NFIB: variants seen among roughly 807,000 people sequenced by gnomAD.
NFIB encodes the protein nuclear factor I B, also known as nuclear factor 1 B-type.
A neutral mutation model predicts 61.5 loss-of-function variants in NFIB; 11 were observed. That is an observed-to-expected ratio of 0.18 (90% CI 0.11 to 0.30). The LOEUF (loss-of-function observed/expected upper bound fraction) is 0.30. NFIB is among the 10% of genes least tolerant of loss of function. The pLI is 1.00. For missense variants in NFIB, 471 were observed against 608.9 expected (o/e 0.77, Z 2.38); for synonymous variants, 260 against 216.5 (o/e 1.20, Z -1.76).
chr9:14,500,695 A>T, the NFIB span, among the ~76,000 whole-genome samples: 1 of 152,210 alleles, frequency 6.6e-6, no homozygotes, highest in East Asian at 1.9e-4. Context: ...GAATGAATGG[A>T]TGAGTGAATG....
intron 10 of NFIB, among the ~76,000 whole-genome samples, chr9:14,112,472 T>G (rs1012377433): frequency 6.6e-6 from 1 of 152,202 alleles, no homozygotes; most frequent in African/African-American, 2.4e-5. Flanking sequence ...AAAAAGTGTT[T>G]TATCACATCT....
the NFIB span, among the ~76,000 whole-genome samples, chr9:14,490,198 G>A: frequency 6.6e-6 from 1 of 152,246 alleles, no homozygotes; most frequent in African/African-American, 2.4e-5. Context: ...TCTAATGAGT[G>A]AAGCATTTGC....
intron 3 of NFIB, among the ~76,000 whole-genome samples, chr9:14,173,084 T>C (rs2045751548): frequency 1.3e-5 from 2 of 152,242 alleles, no homozygotes; most frequent in Admixed American, 6.5e-5. Context: ...CAAATGATAC[T>C]TTCTGCAGGA....
chr9:14,397,459 TCTGA>T (rs938662305), intron 1 of NFIB, among the ~76,000 whole-genome samples: 1 of 152,182 alleles, frequency 6.6e-6, no homozygotes, highest in African/African-American at 2.4e-5. Flanking sequence ...AATCCTTGTT[TCTGA>T]CTATTTAATA....
the NFIB span, among the ~76,000 whole-genome samples, chr9:14,505,824 C>G: frequency 1.3e-5 from 2 of 152,054 alleles, no homozygotes; most frequent in African/African-American, 4.8e-5. Context: ...TGACTCTCAC[C>G]AAGAAATACC....
chr9:14,107,921 T>C (rs2036806651), intron 10 of NFIB, among the ~76,000 whole-genome samples: 1 of 152,162 alleles, frequency 6.6e-6, no homozygotes, highest in Non-Finnish European at 1.5e-5. Context: ...TAAAATGTAA[T>C]TTTACTTTTA....
At chr9:14,184,558 G>A (rs964427408) in intron 2 of NFIB, among the ~76,000 whole-genome samples, 1 of 152,140 alleles carries the variant, frequency 6.6e-6, no homozygotes, top group Non-Finnish European at 1.5e-5. Context: ...TCTGGTGGAA[G>A]CTCTGTAAGA....
chr9:14,511,248 T>C, the NFIB span, among the ~76,000 whole-genome samples: 1 of 152,068 alleles, frequency 6.6e-6, no homozygotes, highest in African/African-American at 2.4e-5. Context: ...GTATTCATAG[T>C]TCGTTTATAT....
rs567372247 is a variant in NFIB at position 14,177,123 on chromosome 9, G to A, written c.616+2604C>T. Among the ~76,000 whole-genome samples the A allele has an allele frequency of 1.9e-4, 29 of 152,254 alleles. No individual in the cohort carries two copies. In the South Asian group the frequency reaches 6.0e-3, roughly 32 times the overall value. The stretch of plus-strand genomic sequence containing the variant: ...AGCAAAGTGATTTGATTGTTTCATT[G>A]CTTGTGGTGGTAGACTGAATTTTCT... On this transcript the variant is annotated intron_variant, in intron 3 of 10. Coordinates refer to ENST00000380953, the MANE Select transcript of NFIB (RefSeq NM_001190737.2).
At chr9:14,365,417 G>A (rs2061288753) in intron 1 of NFIB, among the ~76,000 whole-genome samples, 1 of 152,194 alleles carries the variant, frequency 6.6e-6, no homozygotes, top group African/African-American at 2.4e-5. Flanking sequence ...TCACCACCAA[G>A]TGTGGCCAGA....
intron 2 of NFIB, among the ~76,000 whole-genome samples, chr9:14,208,552 C>T (rs2049988765): frequency 6.7e-6 from 1 of 148,654 alleles, no homozygotes; most frequent in African/African-American, 2.5e-5. Flanking sequence ...GGTATTTTTA[C>T]TTAAAAGAGC....
the NFIB span, among the ~76,000 whole-genome samples, chr9:14,442,659 T>C: frequency 6.6e-6 from 1 of 152,134 alleles, no homozygotes; most frequent in Non-Finnish European, 1.5e-5. Flanking sequence ...TGTCTTCATC[T>C]TTGCGTGTGT....
At chr9:14,187,909 C>A (rs2047554920) in intron 2 of NFIB, among the ~76,000 whole-genome samples, 1 of 152,136 alleles carries the variant, frequency 6.6e-6, no homozygotes, top group Admixed American at 6.6e-5. Flanking sequence ...CATCTCTGAC[C>A]AGAGGGCTGT....
chr9:14,478,502 A>G, the NFIB span, among the ~76,000 whole-genome samples: 1 of 152,242 alleles, frequency 6.6e-6, no homozygotes, highest in East Asian at 1.9e-4. Context: ...GAGATCTTGT[A>G]TAAAAATGGG....
At chr9:14,260,097 T>C (rs533184102) in intron 2 of NFIB, among the ~76,000 whole-genome samples, 3 of 152,294 alleles carry the variant, frequency 2.0e-5, no homozygotes, top group South Asian at 4.1e-4. Context: ...TGCTGGGTCC[T>C]GAAAGAACCT....
At chr9:14,394,808 CT>C (rs1411250616) in intron 1 of NFIB, among the ~76,000 whole-genome samples, 1 of 152,152 alleles carries the variant, frequency 6.6e-6, no homozygotes, top group Non-Finnish European at 1.5e-5. Flanking sequence ...CTGAACTGCC[CT>C]AAGTCTCAGC....
chr9:14,322,743 T>G (rs2060692965), intron 1 of NFIB, among the ~76,000 whole-genome samples: 1 of 149,978 alleles, frequency 6.7e-6, no homozygotes, highest in Non-Finnish European at 1.5e-5. Context: ...CGGGCCCGAG[T>G]GGGTGTGGCG....
chr9:14,136,628 G>C (rs940444855), intron 6 of NFIB, among the ~76,000 whole-genome samples: 1 of 152,120 alleles, frequency 6.6e-6, no homozygotes, highest in African/African-American at 2.4e-5. Flanking sequence ...ATCCACGCTG[G>C]TAATGGTTAG....
intron 6 of NFIB, among the ~76,000 whole-genome samples, chr9:14,128,558 C>T (rs1245624895): frequency 6.6e-6 from 1 of 151,814 alleles, no homozygotes; most frequent in Non-Finnish European, 1.5e-5. Flanking sequence ...ATTAGCTGGG[C>T]GTGGTGGTGG....
Sources: gnomAD v4.1 joint callset for allele counts (sites outside exome capture counted in the v4.1 genomes callset) on GRCh38, gnomAD v4.1.1 for gene constraint, MANE v1.5 for transcripts, NCBI Gene and HGNC (gene_info 2026-07-23, HGNC 2026-07-21) for gene names.